The following SNTB2 variants were observed in gnomAD, a reference collection of about 807,000 sequenced individuals.
The protein encoded by SNTB2 is beta-2-syntrophin.
SNTB2 carries 34 observed loss-of-function variants against 46.2 expected under a neutral mutation model. The ratio of observed to expected loss-of-function variants is 0.74; its 90% CI spans 0.56 to 0.98. The LOEUF (loss-of-function observed/expected upper bound fraction) is 0.98, where lower values mean the gene tolerates loss of function less well. Ranked by LOEUF, SNTB2 falls within the 50% of genes least tolerant of loss-of-function variation. The pLI is 0.00. For missense variants in SNTB2, 603 were observed against 731.4 expected (o/e 0.82, Z 2.02); for synonymous variants, 290 against 312.6 (o/e 0.93, Z 0.76).
At chr16:69,242,779 T>C (rs1964630712) in intron 1 of SNTB2, among the ~76,000 whole-genome samples, 1 of 152,112 alleles carries the variant, frequency 6.6e-6, no homozygotes, top group Non-Finnish European at 1.5e-5. Flanking sequence ...CCCAGCACTT[T>C]GGGAGGCCAA....
chr16:69,187,343 G>C lies in SNTB2; in HGVS notation c.177G>C (p.Leu59=), dbSNP rs1009307910. The C allele has an allele frequency of 7.0e-6, 10 of 1,438,280 alleles. No homozygotes were observed. In the African/African-American group the frequency reaches 1.5e-4, roughly 21 times the overall value. The allele number at this position is 1,438,280 out of a possible 1,614,324, so 89.1% of individuals were successfully genotyped here. A position where few individuals can be genotyped will look rare whatever the true frequency, so the allele number is the denominator to read the frequency against. The change falls in exon 1 of 7, where the codon CTG becomes CTC. Residue 59 remains leucine, a synonymous_variant. Transcript: ENST00000336278. ...SLTGDAAAAE[L]EPALGPAAAA... The stretch of plus-strand genomic sequence containing the variant: ...CGGGCGACGCCGCCGCGGCCGAGCT[G>C]GAGCCCGCTCTGGGACCCGCGGCCG...
At chr16:69,290,092 T>A (rs1255889930) in intron 5 of SNTB2, among the ~76,000 whole-genome samples, 1 of 152,222 alleles carries the variant, frequency 6.6e-6, no homozygotes, top group Non-Finnish European at 1.5e-5. Context: ...CAATACATAA[T>A]CTTCCTAATG....
intron 4 of SNTB2, among the ~76,000 whole-genome samples, chr16:69,271,241 C>T (rs1964934433): frequency 1.3e-5 from 2 of 152,082 alleles, no homozygotes; most frequent in African/African-American, 4.8e-5. Flanking sequence ...AGAGCTGGAG[C>T]TCCTAGATCA....
intron 4 of SNTB2, among the ~76,000 whole-genome samples, chr16:69,281,043 C>A (rs1294272851): frequency 6.6e-6 from 1 of 152,180 alleles, no homozygotes; most frequent in East Asian, 1.9e-4. Flanking sequence ...GATCCGCCCG[C>A]CTCGGCCTCC....
At chr16:69,247,895 T>C (rs1210959715) in intron 2 of SNTB2, among the ~76,000 whole-genome samples, 3 of 152,106 alleles carry the variant, frequency 2.0e-5, no homozygotes, top group Non-Finnish European at 4.4e-5. Flanking sequence ...GGTTAGAGAA[T>C]TGCTTAAAAG....
intron 1 of SNTB2, among the ~76,000 whole-genome samples, chr16:69,205,706 C>A (rs1398878467): frequency 6.6e-6 from 1 of 152,088 alleles, no homozygotes; most frequent in Non-Finnish European, 1.5e-5. Flanking sequence ...TTCCAACCTG[C>A]TTCTTTCATA....
chr16:69,236,360 G>A (rs1964560649), intron 1 of SNTB2, among the ~76,000 whole-genome samples: 1 of 151,640 alleles, frequency 6.6e-6, no homozygotes, highest in Non-Finnish European at 1.5e-5. Context: ...AAGGGAAGAG[G>A]GTCTGGGCAA....
chr16:69,269,273 C>G (rs1044553035), intron 3 of SNTB2, among the ~76,000 whole-genome samples: 7 of 152,056 alleles, frequency 4.6e-5, no homozygotes, highest in Admixed American at 4.6e-4. Context: ...AATCCTAGCA[C>G]TTTGGGAGGC....
At chr16:69,206,036 A>G (rs1008346369) in intron 1 of SNTB2, among the ~76,000 whole-genome samples, 9 of 152,084 alleles carry the variant, frequency 5.9e-5, no homozygotes, top group African/African-American at 1.7e-4. Flanking sequence ...TGCTCTGTCT[A>G]CCCTGGCTGG....
intron 1 of SNTB2, among the ~76,000 whole-genome samples, chr16:69,228,711 A>C (rs1175372328): frequency 6.6e-6 from 1 of 152,126 alleles, no homozygotes; most frequent in Non-Finnish European, 1.5e-5. Flanking sequence ...CACACTAAGT[A>C]TATGTATACA....
At chr16:69,269,748 T>TA (rs1964921172) in intron 3 of SNTB2, among the ~76,000 whole-genome samples, 2 of 152,152 alleles carry the variant, frequency 1.3e-5, no homozygotes, top group African/African-American at 4.8e-5. Flanking sequence ...TTCTGAAACT[T>TA]ACAATTTTGA....
At chr16:69,286,795 G>T (rs1965107568) in intron 5 of SNTB2, among the ~76,000 whole-genome samples, 1 of 151,696 alleles carries the variant, frequency 6.6e-6, no homozygotes, top group Admixed American at 6.6e-5. Flanking sequence ...GATTGCTTGA[G>T]CCCATTTCAG....
intron 2 of SNTB2, among the ~76,000 whole-genome samples, chr16:69,255,319 T>C (rs1036799848): frequency 6.6e-6 from 1 of 151,948 alleles, no homozygotes; most frequent in African/African-American, 2.4e-5. Context: ...CCCCAGCACT[T>C]TGGGAGGCCA....
intron 4 of SNTB2, among the ~76,000 whole-genome samples, chr16:69,272,092 C>T (rs1012124158): frequency 5.9e-5 from 9 of 152,094 alleles, no homozygotes; most frequent in African/African-American, 2.2e-4. Context: ...ACCAAAAGCA[C>T]AGTTAACAAG....
chr16:69,258,605 C>CT (rs67116274), intron 2 of SNTB2, among the ~76,000 whole-genome samples: 7,332 of 83,528 alleles, frequency 0.088, 390 homozygotes, highest in Non-Finnish European at 0.099. Context: ...CTTGTTCTTT[C>CT]TTTTTTTTTT....
At chr16:69,278,599 G>T (rs1456030645) in intron 4 of SNTB2, among the ~76,000 whole-genome samples, 1 of 152,078 alleles carries the variant, frequency 6.6e-6, no homozygotes, top group Non-Finnish European at 1.5e-5. Flanking sequence ...GGAATTACAG[G>T]TGTGCACCAC....
chr16:69,218,020 G>T (rs1257758584), intron 1 of SNTB2, among the ~76,000 whole-genome samples: 1 of 152,064 alleles, frequency 6.6e-6, no homozygotes. Flanking sequence ...AATACACTTG[G>T]AGTTAATAGT....
chr16:69,232,712 A>G (rs1025000639), intron 1 of SNTB2, among the ~76,000 whole-genome samples: 1 of 150,996 alleles, frequency 6.6e-6, no homozygotes, highest in Non-Finnish European at 1.5e-5. Context: ...GGGTTTCACC[A>G]TGTTGGCCAG....
chr16:69,289,068 G>C (rs1965134231), intron 5 of SNTB2, among the ~76,000 whole-genome samples: 1 of 151,762 alleles, frequency 6.6e-6, no homozygotes, highest in Non-Finnish European at 1.5e-5. Flanking sequence ...TCAGGAGTTC[G>C]AGACCGGCCT....
Sources: gnomAD v4.1 joint callset for allele counts (sites outside exome capture counted in the v4.1 genomes callset) on GRCh38, gnomAD v4.1.1 for gene constraint, MANE v1.5 for transcripts, NCBI Gene and HGNC (gene_info 2026-07-23, HGNC 2026-07-21) for gene names.